TENM4: variants seen among roughly 807,000 people sequenced by gnomAD.
The protein encoded by TENM4 is teneurin-4.
In TENM4, 82 loss-of-function variants were observed where a neutral mutation model predicts 243.3. That is an observed-to-expected ratio of 0.34 (90% CI 0.28 to 0.40). The LOEUF (loss-of-function observed/expected upper bound fraction) is 0.40. TENM4 is among the 10% of genes least tolerant of loss of function. TENM4 has a pLI of 1.00. For missense variants in TENM4, 3,138 were observed against 3,673.3 expected (o/e 0.85, Z 3.77); for synonymous variants, 1,412 against 1,456.3 (o/e 0.97, Z 0.69).
At chr11:78,890,074 C>T in intron 8 of TENM4, 54 bp from the exon 9 acceptor site, 1 of 1,426,520 alleles carries the variant, frequency 7.0e-7, no homozygotes, top group Non-Finnish European at 9.4e-7. Flanking sequence ...GACCAGGCAC[C>T]CAGACAAACC....
intron 20 of TENM4, among the ~76,000 whole-genome samples, chr11:78,736,445 A>AGTGTGTGTGTGTGTGTGT (rs3223449): frequency 6.9e-6 from 1 of 145,268 alleles, no homozygotes; most frequent in Non-Finnish European, 1.5e-5. Flanking sequence ...GATTTCAGCA[A>AGTGTGTGTGTGTGTGTGT]GTGTGTGTGT....
intron 10 of TENM4, among the ~76,000 whole-genome samples, chr11:78,862,039 G>T (rs76523478): frequency 6.6e-6 from 1 of 152,156 alleles, no homozygotes. Context: ...TTGAGAACAT[G>T]GGCCTATGGA....
rs537867637 is a variant in TENM4 at position 79,397,635 on chromosome 11, A to G, written c.-321+42874T>C. 4.6e-5 allele frequency among the ~76,000 whole-genome samples: 7 copies of G among 152,330 alleles called. No homozygotes were observed. In the South Asian group the frequency reaches 1.5e-3, roughly 32 times the overall value. On this transcript the variant is annotated intron_variant, in intron 1 of 33. Coordinates refer to ENST00000278550, the MANE Select transcript of TENM4 (RefSeq NM_001098816.3). ...AGATACAGAATAAGAGTAAGTAGAG[A>G]ATGCAAAGGGTTAGGAGGCTTTGTG...
intron 31 of TENM4, among the ~76,000 whole-genome samples, chr11:78,671,376 C>T (rs1438441913): frequency 6.6e-6 from 1 of 152,212 alleles, no homozygotes; most frequent in Admixed American, 6.5e-5. Context: ...CAAGCACAGC[C>T]TATGCCCTGG....
intron 29 of TENM4, among the ~76,000 whole-genome samples, chr11:78,677,234 G>C (rs1179438184): frequency 2.7e-5 from 4 of 148,686 alleles, no homozygotes; most frequent in Non-Finnish European, 5.9e-5. Context: ...AGGATTACTA[G>C]AGAAAAGGGT....
intron 6 of TENM4, among the ~76,000 whole-genome samples, chr11:78,946,601 C>G (rs1423866079): frequency 6.6e-6 from 1 of 152,128 alleles, no homozygotes; most frequent in East Asian, 1.9e-4. Flanking sequence ...ACTATAGCTG[C>G]CATAGATAGT....
chr11:78,781,071 G>A (rs944235175), intron 16 of TENM4, among the ~76,000 whole-genome samples: 6 of 152,156 alleles, frequency 3.9e-5, no homozygotes, highest in Admixed American at 3.3e-4. Flanking sequence ...ATTGAAAATG[G>A]GAGTGACAAA....
At chr11:78,898,870 GA>G (rs1158540648) in intron 7 of TENM4, among the ~76,000 whole-genome samples, 2 of 152,104 alleles carry the variant, frequency 1.3e-5, no homozygotes, top group Admixed American at 1.3e-4. Flanking sequence ...ACACATAGTA[GA>G]CACTCAGTGA....
chr11:79,374,221 C>A (rs1275759462), intron 1 of TENM4, among the ~76,000 whole-genome samples: 1 of 152,086 alleles, frequency 6.6e-6, no homozygotes, highest in Non-Finnish European at 1.5e-5. Context: ...CTCCAAATCG[C>A]CTCCAACACA....
chr11:79,367,821 G>C (rs888866037), intron 1 of TENM4, among the ~76,000 whole-genome samples: 2 of 152,156 alleles, frequency 1.3e-5, no homozygotes, highest in Non-Finnish European at 2.9e-5. Flanking sequence ...TTCCTTGAAG[G>C]CTTCAAAAAG....
At chr11:79,129,237 G>A in intron 4 of TENM4, among the ~76,000 whole-genome samples, 1 of 152,182 alleles carries the variant, frequency 6.6e-6, no homozygotes, top group East Asian at 1.9e-4. Context: ...AGCCCAAGCA[G>A]GCCATTCCTG....
intron 4 of TENM4, among the ~76,000 whole-genome samples, chr11:79,137,207 C>G (rs1862126615): frequency 6.6e-6 from 1 of 152,164 alleles, no homozygotes; most frequent in Non-Finnish European, 1.5e-5. Context: ...GTTAAGATTG[C>G]CACCTGGACA....
intron 18 of TENM4, 139 bp downstream of exon 18, chr11:78,770,853 A>G (rs1405918751): frequency 1.4e-5 from 15 of 1,056,524 alleles, no homozygotes; most frequent in Non-Finnish European, 1.6e-5. Flanking sequence ...CCACATGTGC[A>G]GTTTTTTGCT....
chr11:78,889,560 T>C (rs1855616171), intron 9 of TENM4, among the ~76,000 whole-genome samples: 1 of 152,156 alleles, frequency 6.6e-6, no homozygotes, highest in African/African-American at 2.4e-5. Flanking sequence ...CCAGCTTCCT[T>C]CCTGATATAA....
At chr11:79,084,281 T>A (rs1484359436) in intron 4 of TENM4, among the ~76,000 whole-genome samples, 1 of 152,176 alleles carries the variant, frequency 6.6e-6, no homozygotes, top group African/African-American at 2.4e-5. Flanking sequence ...AATATAAAAG[T>A]GTACAGCCCC....
chr11:79,354,248 G>A (rs1321477197), intron 1 of TENM4, among the ~76,000 whole-genome samples: 2 of 152,184 alleles, frequency 1.3e-5, no homozygotes, highest in Admixed American at 1.3e-4. Context: ...TTGTTTCCAG[G>A]ACAGGACACG....
chr11:79,306,400 G>T (rs959169753), intron 1 of TENM4, among the ~76,000 whole-genome samples: 1 of 152,128 alleles, frequency 6.6e-6, no homozygotes. Context: ...GACTAAGAAG[G>T]CCCTTGATAG....
At chr11:78,932,326 G>T (rs912839573) in intron 6 of TENM4, among the ~76,000 whole-genome samples, 2 of 152,198 alleles carry the variant, frequency 1.3e-5, no homozygotes, top group Admixed American at 6.5e-5. Flanking sequence ...CCCATGACAG[G>T]AGTTCTGCAC....
At chr11:78,893,780 T>TACACACACACACACACACACACACAC (rs368536086) in intron 7 of TENM4, among the ~76,000 whole-genome samples, 10,666 of 142,358 alleles carry the variant, frequency 0.075, 574 homozygotes, top group Middle Eastern at 0.13. Context: ...GGACTTCACA[T>TACACACACACACACACACACACACAC]ACACACACAC....
Sources: gnomAD v4.1 joint callset for allele counts (sites outside exome capture counted in the v4.1 genomes callset) on GRCh38, gnomAD v4.1.1 for gene constraint, MANE v1.5 for transcripts, NCBI Gene and HGNC (gene_info 2026-07-23, HGNC 2026-07-21) for gene names.